The following SPECC1 variants were observed in gnomAD, a reference collection of about 807,000 sequenced individuals.
SPECC1 encodes cytospin-B.
SPECC1 carries 62 observed loss-of-function variants against 104.1 expected under a neutral mutation model. That is an observed-to-expected ratio of 0.60 (90% CI 0.49 to 0.74). The LOEUF (loss-of-function observed/expected upper bound fraction) is 0.74, where lower values mean the gene tolerates loss of function less well. Ranked by LOEUF, SPECC1 falls within the 30% of genes least tolerant of loss-of-function variation. The probability of loss-of-function intolerance (pLI) is 0.00; values close to 1 mark genes in which losing one functional copy is unlikely to be tolerated. For synonymous variants in SPECC1, 513 were observed against 501.6 expected, an observed-to-expected ratio of 1.02 and a Z score of -0.30; for missense variants, 1,306 against 1,310.5, an observed-to-expected ratio of 1.00 and a Z score of 0.05.
chr17:20,260,092 T>TA, intron 11 of SPECC1, 100 bp from the exon 12 acceptor site: 1 of 879,926 alleles, frequency 1.1e-6, no homozygotes, highest in East Asian at 2.7e-5. Context: ...CTGGATAAAC[T>TA]AGACTTTTGC....
chr17:20,266,638 G>A (rs1182054810), intron 12 of SPECC1, among the ~76,000 whole-genome samples: 1 of 152,172 alleles, frequency 6.6e-6, no homozygotes, highest in Non-Finnish European at 1.5e-5. Flanking sequence ...AATGAAACAG[G>A]CAACAGTCCC....
chr17:20,308,915 A>T (rs1045663153), intron 14 of SPECC1, among the ~76,000 whole-genome samples: 1 of 152,210 alleles, frequency 6.6e-6, no homozygotes, highest in African/African-American at 2.4e-5. Flanking sequence ...TTTTCTTTGT[A>T]GTGTTGTAAT....
At chr17:20,305,908 T>C in intron 13 of SPECC1, 115 bp from the exon 14 acceptor site, 2 of 901,828 alleles carry the variant, frequency 2.2e-6, no homozygotes, top group Non-Finnish European at 3.3e-6. Flanking sequence ...TGACTTACTA[T>C]TCTTCGCTTT....
intron 1 of SPECC1, among the ~76,000 whole-genome samples, chr17:20,089,102 TGTGTAAGGGGAGC>T (rs1178419231): frequency 7.9e-5 from 12 of 152,174 alleles, no homozygotes; most frequent in Admixed American, 7.8e-4. Context: ...ACTCAGACGG[TGTGTAAGGGGAGC>T]AGTAGGCCAG....
chr17:20,243,527 G>A (rs1363955150), intron 7 of SPECC1, among the ~76,000 whole-genome samples: 3 of 151,970 alleles, frequency 2.0e-5, no homozygotes, highest in Non-Finnish European at 4.4e-5. Flanking sequence ...TTCAATTCAG[G>A]CTATGTTTTG....
intron 13 of SPECC1, among the ~76,000 whole-genome samples, chr17:20,300,609 G>A (rs978249863): frequency 6.6e-6 from 1 of 152,218 alleles, no homozygotes; most frequent in African/African-American, 2.4e-5. Context: ...TTGTTCTCAG[G>A]CTCCAAATTG....
chr17:20,047,019 G>A (rs1339798885), intron 1 of SPECC1, among the ~76,000 whole-genome samples: 2 of 152,142 alleles, frequency 1.3e-5, no homozygotes, highest in Non-Finnish European at 2.9e-5. Flanking sequence ...AAAGCCGGGC[G>A]AGAGATGTTG....
chr17:20,302,945 G>A (rs2041641058), intron 13 of SPECC1, among the ~76,000 whole-genome samples: 1 of 147,122 alleles, frequency 6.8e-6, no homozygotes, highest in African/African-American at 2.5e-5. Flanking sequence ...CAAACTAGAA[G>A]GTTTTTGCAT....
chr17:20,085,302 C>T (rs1257965749), intron 1 of SPECC1, among the ~76,000 whole-genome samples: 2 of 152,144 alleles, frequency 1.3e-5, no homozygotes, highest in African/African-American at 4.8e-5. Flanking sequence ...GGGTAACTGT[C>T]CCTCTTTATT....
At chr17:20,094,288 G>C (rs906271596) in intron 1 of SPECC1, among the ~76,000 whole-genome samples, 1 of 152,204 alleles carries the variant, frequency 6.6e-6, no homozygotes, top group African/African-American at 2.4e-5. Flanking sequence ...GGCCTGGACA[G>C]TGCTGCCTCA....
intron 13 of SPECC1, among the ~76,000 whole-genome samples, chr17:20,299,671 A>G (rs72832520): frequency 0.053 from 7,999 of 152,234 alleles, 289 homozygotes; most frequent in Non-Finnish European, 0.079. Flanking sequence ...CATGCAATTA[A>G]CCATCACAGA....
intron 1 of SPECC1, among the ~76,000 whole-genome samples, chr17:20,035,136 G>A (rs2045012997): frequency 6.6e-6 from 1 of 152,156 alleles, no homozygotes; most frequent in Non-Finnish European, 1.5e-5. Context: ...CTATTTGGTT[G>A]CATTGATCTA....
intron 7 of SPECC1, chr17:20,238,752 A>T: frequency 9.6e-7 from 1 of 1,043,626 alleles, no homozygotes; most frequent in Non-Finnish European, 1.2e-6. Context: ...TTCAAGTATA[A>T]ACAATAAGAA....
chr17:20,268,172 C>T (rs896770312), intron 12 of SPECC1, among the ~76,000 whole-genome samples: 3 of 152,214 alleles, frequency 2.0e-5, no homozygotes, highest in Non-Finnish European at 4.4e-5. Context: ...ATCTGTTCCA[C>T]TTTTGAAATT....
At chr17:20,197,283 A>G (rs2036099088) in intron 3 of SPECC1, among the ~76,000 whole-genome samples, 1 of 152,170 alleles carries the variant, frequency 6.6e-6, no homozygotes, top group Non-Finnish European at 1.5e-5. Flanking sequence ...TCTTTTTAGA[A>G]TTTTTTATGC....
chr17:20,063,129 C>T (rs116657407), intron 1 of SPECC1, among the ~76,000 whole-genome samples: 11,212 of 152,266 alleles, frequency 0.074, 555 homozygotes, highest in African/African-American at 0.14. Context: ...CTTATCTCTT[C>T]TTAAAATGTT....
intron 12 of SPECC1, among the ~76,000 whole-genome samples, chr17:20,296,709 T>G (rs143715704): frequency 0.033 from 4,968 of 152,312 alleles, 125 homozygotes; most frequent in Middle Eastern, 0.065. Context: ...AGCAGTTGTT[T>G]GTAGTTCTCC....
At chr17:20,107,787 A>C (rs1214999980) in intron 2 of SPECC1, among the ~76,000 whole-genome samples, 1 of 152,076 alleles carries the variant, frequency 6.6e-6, no homozygotes, top group Non-Finnish European at 1.5e-5. Flanking sequence ...TGGCCTCCCA[A>C]AGTGCTAGGA....
intron 10 of SPECC1, among the ~76,000 whole-genome samples, chr17:20,255,859 A>G (rs2039807346): frequency 1.3e-5 from 2 of 150,926 alleles, no homozygotes; most frequent in South Asian, 2.1e-4. Flanking sequence ...GTTATGAGCC[A>G]TCATGCCTGG....
Sources: gnomAD v4.1 joint callset for allele counts (sites outside exome capture counted in the v4.1 genomes callset) on GRCh38, gnomAD v4.1.1 for gene constraint, MANE v1.5 for transcripts, NCBI Gene and HGNC (gene_info 2026-07-23, HGNC 2026-07-21) for gene names.